The following HS6ST3 variants were observed in gnomAD, a reference collection of about 807,000 sequenced individuals.
HS6ST3 encodes heparan-sulfate 6-O-sulfotransferase 3.
A neutral mutation model predicts 36.7 loss-of-function variants in HS6ST3; 12 were observed. The ratio of observed to expected loss-of-function variants is 0.33; its 90% CI spans 0.21 to 0.53. The LOEUF is 0.53. HS6ST3 is among the 20% of genes least tolerant of loss of function. The pLI, the probability that HS6ST3 is intolerant of heterozygous loss-of-function variation, is 0.95. For synonymous variants in HS6ST3, 240 were observed against 257.5 expected (o/e 0.93, Z 0.65); for missense variants, 584 against 640.9 (o/e 0.91, Z 0.96).
chr13:96,485,327 TA>T (rs1429966681), intron 1 of HS6ST3, among the ~76,000 whole-genome samples: 1 of 151,416 alleles, frequency 6.6e-6, no homozygotes, highest in Non-Finnish European at 1.5e-5. Flanking sequence ...TATACCAAAA[TA>T]TTTTTTTTTA....
chr13:96,649,180 T>A (rs904492632), intron 1 of HS6ST3, among the ~76,000 whole-genome samples: 1 of 152,132 alleles, frequency 6.6e-6, no homozygotes, highest in Middle Eastern at 3.4e-3. Context: ...GACTGGGTAA[T>A]TTATCAAGGA....
chr13:96,777,444 A>C (rs943668511), intron 1 of HS6ST3, among the ~76,000 whole-genome samples: 4 of 152,236 alleles, frequency 2.6e-5, no homozygotes, highest in African/African-American at 4.8e-5. Context: ...ATCTCAGCCC[A>C]AAATCTCCTT....
chr13:96,645,737 A>G (rs1333835138), intron 1 of HS6ST3, among the ~76,000 whole-genome samples: 4 of 151,868 alleles, frequency 2.6e-5, no homozygotes, highest in Admixed American at 1.3e-4. Flanking sequence ...CTCATCTTAA[A>G]TGGTTGTTTT....
chr13:96,514,963 G>T (rs535137393), intron 1 of HS6ST3, among the ~76,000 whole-genome samples: 1 of 152,292 alleles, frequency 6.6e-6, no homozygotes, highest in Non-Finnish European at 1.5e-5. Context: ...TAAAAACTTA[G>T]ATTAGTATTT....
intron 1 of HS6ST3, among the ~76,000 whole-genome samples, chr13:96,457,824 A>T (rs186588729): frequency 1.3e-5 from 2 of 152,266 alleles, no homozygotes; most frequent in East Asian, 1.9e-4. Context: ...TATAAATTGC[A>T]TGTAGGCATT....
intron 1 of HS6ST3, among the ~76,000 whole-genome samples, chr13:96,688,039 G>C (rs1339303102): frequency 6.0e-5 from 1 of 16,672 alleles, no homozygotes; most frequent in Non-Finnish European, 1.3e-4. Flanking sequence ...GACACAGGAA[G>C]GGGAACATCA....
intron 1 of HS6ST3, among the ~76,000 whole-genome samples, chr13:96,805,379 C>G (rs749413038): frequency 2.6e-5 from 4 of 152,124 alleles, no homozygotes; most frequent in Non-Finnish European, 5.9e-5. Context: ...TTCTCCTTCC[C>G]CTTCTACCAT....
intron 1 of HS6ST3, among the ~76,000 whole-genome samples, chr13:96,462,964 C>A (rs1377331562): frequency 6.6e-6 from 1 of 152,008 alleles, no homozygotes; most frequent in Non-Finnish European, 1.5e-5. Flanking sequence ...TACTAGGGAA[C>A]AATTATAGAT....
At chr13:96,460,838 T>C (rs563142441) in intron 1 of HS6ST3, among the ~76,000 whole-genome samples, 5 of 152,264 alleles carry the variant, frequency 3.3e-5, no homozygotes, top group African/African-American at 7.2e-5. Flanking sequence ...CTTTCAATGG[T>C]GTGGTTCAGA....
chr13:96,618,274 T>A (rs1296089819), intron 1 of HS6ST3, among the ~76,000 whole-genome samples: 1 of 152,012 alleles, frequency 6.6e-6, no homozygotes, highest in Non-Finnish European at 1.5e-5. Flanking sequence ...AATTTTAAAT[T>A]TTTTTTTGTA....
chr13:96,444,493 A>T (rs1854260), intron 1 of HS6ST3, among the ~76,000 whole-genome samples: 1 of 152,212 alleles, frequency 6.6e-6, no homozygotes, highest in Non-Finnish European at 1.5e-5. Flanking sequence ...CTATAAGTTG[A>T]ATAAAATTTG....
intron 1 of HS6ST3, among the ~76,000 whole-genome samples, chr13:96,103,387 T>C (rs1029896431): frequency 2.0e-5 from 3 of 152,196 alleles, no homozygotes; most frequent in Non-Finnish European, 2.9e-5. Flanking sequence ...TGCCAACATA[T>C]CAGTTTCCTG....
intron 1 of HS6ST3, among the ~76,000 whole-genome samples, chr13:96,726,322 T>A (rs1339362983): frequency 1.3e-5 from 2 of 152,358 alleles, no homozygotes; most frequent in African/African-American, 4.8e-5. Context: ...TTGTGGAGAA[T>A]TGAAATTATA....
chr13:96,610,820 C>G (rs886533118), intron 1 of HS6ST3, among the ~76,000 whole-genome samples: 1 of 151,286 alleles, frequency 6.6e-6, no homozygotes, highest in Non-Finnish European at 1.5e-5. Context: ...GAGCCCATTC[C>G]CCAGAGAAGT....
chr13:96,795,326 G>A lies in HS6ST3; in HGVS notation c.708-37164G>A, dbSNP rs72646752. 2.6e-3 allele frequency among the ~76,000 whole-genome samples: 394 copies of A among 151,922 alleles called. 1 individual carries two copies. The highest frequency in any genetic ancestry group is 4.1e-3 in the Non-Finnish European group (276 of 67,952). On this transcript the variant is annotated intron_variant, in intron 1 of 1. Coordinates refer to ENST00000376705, the MANE Select transcript of HS6ST3 (RefSeq NM_153456.4). ...ATTTTTAATCTTGTCTTTGTGCCAG[G>A]TGCTTGAAATATGCTTGATATTTAT...
At chr13:96,653,081 T>C (rs2056613117) in intron 1 of HS6ST3, among the ~76,000 whole-genome samples, 1 of 152,218 alleles carries the variant, frequency 6.6e-6, no homozygotes, top group South Asian at 2.1e-4. Context: ...AACTCTTTTC[T>C]GAGGTGGATG....
chr13:96,628,987 CTT>C (rs567702819), intron 1 of HS6ST3, among the ~76,000 whole-genome samples: 14 of 152,186 alleles, frequency 9.2e-5, no homozygotes, highest in Admixed American at 8.5e-4. Flanking sequence ...ACCTTCAACT[CTT>C]ATTCATTTTC....
At chr13:96,395,798 G>A (rs558953388) in intron 1 of HS6ST3, among the ~76,000 whole-genome samples, 11 of 152,202 alleles carry the variant, frequency 7.2e-5, no homozygotes, top group African/African-American at 2.6e-4. Context: ...GGGCATAGAA[G>A]GCACTAGGTG....
At chr13:96,536,175 T>C (rs554953630) in intron 1 of HS6ST3, among the ~76,000 whole-genome samples, 1 of 152,334 alleles carries the variant, frequency 6.6e-6, no homozygotes, top group South Asian at 2.1e-4. Context: ...TTAGCAGATT[T>C]ACATGAACAT....
Sources: allele counts gnomAD v4.1 joint callset (sites outside exome capture counted in the v4.1 genomes callset), GRCh38; gene constraint gnomAD v4.1.1; transcripts MANE v1.5; gene names NCBI Gene and HGNC (gene_info 2026-07-23, HGNC 2026-07-21).